PRKAB1: variants seen among roughly 807,000 people sequenced by gnomAD.
The protein encoded by PRKAB1 is protein kinase AMP-activated non-catalytic subunit beta 1.
A neutral mutation model predicts 32.0 loss-of-function variants in PRKAB1; 18 were observed. That is an observed-to-expected ratio of 0.56 (90% CI 0.39 to 0.83). The LOEUF (loss-of-function observed/expected upper bound fraction) is 0.83, where lower values mean the gene tolerates loss of function less well. Among genes scored for constraint, PRKAB1 ranks in the 40% least tolerant of loss-of-function variants. PRKAB1 has a pLI of 0.00. For missense variants in PRKAB1, 263 were observed against 352.6 expected, an observed-to-expected ratio of 0.75 and a Z score of 2.03; for synonymous variants, 141 against 141.4, an observed-to-expected ratio of 1.00 and a Z score of 0.02.
chr12:119,676,707 G>A (rs371290690), intron 5 of PRKAB1, 37 bp downstream of exon 5: 159 of 1,605,246 alleles, frequency 9.9e-5, no homozygotes, highest in Non-Finnish European at 1.3e-4. Flanking sequence ...CATCCGCCGT[G>A]GGTCATGTTC....
intron 1 of PRKAB1, among the ~76,000 whole-genome samples, chr12:119,670,894 C>T (rs970139876): frequency 2.6e-5 from 4 of 152,140 alleles, no homozygotes; most frequent in Non-Finnish European, 5.9e-5. Context: ...AAGCTGAGGT[C>T]GGTATTTGAG....
chr12:119,668,217 C>T lies in PRKAB1; in HGVS notation c.-28C>T. On this transcript the variant is annotated 5_prime_UTR_variant, in exon 1 of 7. Coordinates refer to ENST00000229328, the MANE Select transcript of PRKAB1 (RefSeq NM_006253.5). ...TTTCCTGCAGTGAGGCGCCGTCCGC[C>T]TTCCCTGTGTCCCCGCAGACCCCCA... The T allele has an allele frequency of 6.5e-7, 1 of 1,547,556 alleles. No homozygotes were observed. The highest frequency in any genetic ancestry group is 2.4e-5 in the East Asian group (1 of 41,564).
rs552424369 is a variant in PRKAB1, at chr12:119,674,559, G to T, written c.532+105G>T. On this transcript the variant is annotated intron_variant, in intron 4 of 6. Transcript: ENST00000229328. This position sits in a 1 kb window ranked among gnomAD's most constrained non-coding sequence, Gnocchi z 4.3. The stretch of plus-strand genomic sequence containing the variant: ...CTCTTGAGCTGAAGCTGCCCAGTCA[G>T]ATAGGCATTTATAGCCCCCACTTAA... 8.7e-5 allele frequency: 69 copies of T among 792,176 alleles called. 1 individual carries two copies. In the East Asian group the frequency reaches 1.9e-3, roughly 21 times the overall value. The allele number at this position is 792,176 out of a possible 1,614,324, so 49.1% of individuals were successfully genotyped here.
At chr12:119,675,350 A>G (rs114899159) in intron 4 of PRKAB1, among the ~76,000 whole-genome samples, 1,571 of 152,342 alleles carry the variant, frequency 0.01, 27 homozygotes, top group African/African-American at 0.035. Flanking sequence ...AATGATCACA[A>G]TGGGCTCACT....
At chr12:119,675,696 G>A (rs1955419486) in intron 4 of PRKAB1, among the ~76,000 whole-genome samples, 1 of 152,164 alleles carries the variant, frequency 6.6e-6, no homozygotes, top group Non-Finnish European at 1.5e-5. Context: ...TGCACTTCAT[G>A]CTTTTCTCAG....
chr12:119,671,701 G>A (rs751540796), intron 1 of PRKAB1: 2 of 217,948 alleles, frequency 9.2e-6, no homozygotes, highest in South Asian at 9.9e-5. Flanking sequence ...GAGCCAAACC[G>A]TATCACCTAG....
rs1955407068 is a variant in PRKAB1, at chr12:119,674,200, A to G, written c.418-140A>G. The G allele has an allele frequency of 9.9e-7, 1 of 1,014,864 alleles. No individual in the cohort carries two copies. The highest frequency in any genetic ancestry group is 1.5e-5 in the South Asian group (1 of 66,336). 62.9% of individuals were successfully genotyped at this position (1,014,864 alleles called of 1,614,324 possible). A position where few individuals can be genotyped will look rare whatever the true frequency, so the allele number is the denominator to read the frequency against. On this transcript the variant is annotated intron_variant, in intron 3 of 6. Transcript: ENST00000229328. This position sits in a 1 kb window ranked among gnomAD's most constrained non-coding sequence, Gnocchi z 4.3. ...GAGCTGAGTAGCAGCACTACCTGTC[A>G]GACAGTTGGCATACTTGACCAAGAT...
At chr12:119,670,322 C>A (rs1443961414) in intron 1 of PRKAB1, among the ~76,000 whole-genome samples, 1 of 152,212 alleles carries the variant, frequency 6.6e-6, no homozygotes, top group African/African-American at 2.4e-5. Context: ...AATTGCTTGG[C>A]AGCTCATTCC....
intron 6 of PRKAB1, 67 bp downstream of exon 6, chr12:119,680,068 G>A: frequency 1.3e-6 from 2 of 1,553,390 alleles, no homozygotes; most frequent in Non-Finnish European, 1.8e-6. Context: ...CCCCAGCAGT[G>A]GAATGACCTG....
intron 5 of PRKAB1, 43 bp downstream of exon 5, chr12:119,676,713 T>C: frequency 6.3e-7 from 1 of 1,596,006 alleles, no homozygotes; most frequent in Non-Finnish European, 8.6e-7. Context: ...CCGTGGGTCA[T>C]GTTCAGTTGC....
Position 119,672,467 on chromosome 12 carries a change from A to AATT in PRKAB1, c.323+4_323+6dup, listed in dbSNP as rs751691233. The AATT allele has an allele frequency of 6.3e-7, 1 of 1,578,772 alleles. No homozygotes were observed. The highest frequency in any genetic ancestry group is 1.2e-5 in the South Asian group (1 of 86,348). On this transcript the variant is annotated splice_donor_region_variant and intron_variant, in intron 2 of 6. Transcript: ENST00000229328. ...AGTAAACTTCCCCTCACCAGAAGGT[A>AATT]ATTGCCTGGGGAGTGTTCACATATT...
At chr12:119,676,888 C>T (rs1593332245) in intron 5 of PRKAB1, among the ~76,000 whole-genome samples, 2 of 152,392 alleles carry the variant, frequency 1.3e-5, no homozygotes, top group East Asian at 3.9e-4. Flanking sequence ...CTGCACTACT[C>T]TTCCTTGTCC....
rs2136854853 is a variant in PRKAB1 at position 119,674,097 on chromosome 12, C to A, written c.417+40C>A. ...ACCTCTGGTCCTCTGGGTGCCCGCA[C>A]ATTCCAAACAAATCACCTTCCCAAG... is the stretch of plus-strand genomic sequence containing the variant. On this transcript the variant is annotated intron_variant, in intron 3 of 6. Transcript: ENST00000229328. This position sits in a 1 kb window ranked among gnomAD's most constrained non-coding sequence, Gnocchi z 4.3. 6.4e-7 allele frequency: 1 copy of A among 1,558,214 alleles called. No individual in the cohort carries two copies. The highest frequency in any genetic ancestry group is 2.2e-5 in the East Asian group (1 of 44,598).
At chr12:119,680,041 G>A in intron 6 of PRKAB1, 40 bp downstream of exon 6, 1 of 1,592,158 alleles carries the variant, frequency 6.3e-7, no homozygotes, top group Non-Finnish European at 8.6e-7. Context: ...GTGTTGCCCA[G>A]TGTGTGCTCT....
In PRKAB1 at chr12:119,672,480, G is replaced by A; in HGVS notation, c.323+16G>A. The A allele has an allele frequency of 6.5e-7, 1 of 1,536,612 alleles. No individual in the cohort carries two copies. The highest frequency in any genetic ancestry group is 8.8e-7 in the Non-Finnish European group (1 of 1,137,924). ...TCACCAGAAGGTAATTGCCTGGGGA[G>A]TGTTCACATATTTGTCTTAACATAA... On this transcript the variant is annotated intron_variant, in intron 2 of 6. Coordinates refer to ENST00000229328, the MANE Select transcript of PRKAB1 (RefSeq NM_006253.5).
intron 2 of PRKAB1, 102 bp downstream of exon 2, chr12:119,672,566 G>T: frequency 3.2e-6 from 4 of 1,262,730 alleles, no homozygotes; most frequent in Non-Finnish European, 4.2e-6. Flanking sequence ...CTATAAAATG[G>T]ATGCCTAGTG....
intron 4 of PRKAB1, among the ~76,000 whole-genome samples, chr12:119,675,446 G>A (rs1288602346): frequency 6.6e-6 from 1 of 152,152 alleles, no homozygotes; most frequent in Non-Finnish European, 1.5e-5. Context: ...ATATCATCTA[G>A]TTTTTTTGCA....
At position 119,674,384 on chromosome 12, in the gene PRKAB1, A is replaced by G. The variant is rs1955408075; in HGVS notation, c.462A>G (p.Gln154=). The change falls in exon 4 of 7, where the codon CAA becomes CAG. Residue 154 remains glutamine (Q), a synonymous_variant. Coordinates refer to ENST00000229328, the MANE Select transcript of PRKAB1 (RefSeq NM_006253.5). This position sits in a 1 kb window ranked among gnomAD's most constrained non-coding sequence, Gnocchi z 4.3. ...TTGGCACAGTTAACAACATCATTCA[A>G]GTGAAGAAAACTGACTTTGAAGTAT... ...SQLGTVNNII[Q]VKKTDFEVFD... The G allele has an allele frequency of 7.4e-6, 12 of 1,614,224 alleles. No individual in the cohort carries two copies. Among genetic ancestry groups the G allele is most frequent in the Non-Finnish European group, 1.0e-5 (12 of 1,180,018 alleles).
chr12:119,668,255 C>T lies in PRKAB1; in HGVS notation c.11C>T (p.Thr4Ile). The T allele has an allele frequency of 6.2e-7, 1 of 1,606,098 alleles. No homozygotes were observed. The highest frequency in any genetic ancestry group is 1.3e-5 in the African/African-American group (1 of 74,548). The change falls in exon 1 of 7, where the codon ACC becomes ATC. Residue 4 changes from threonine (T) to isoleucine (I), a missense_variant. Thr to Ile is a moderately conservative substitution (Grantham distance 89, BLOSUM62 -1). Transcript: ENST00000229328. MGNTSSERAALERH... is the reference protein window; with the variant it reads MGNISSERAALERH... ...CCGCAGACCCCCATCATGGGCAATA[C>T]CAGCAGTGAGCGCGCCGCGCTGGAG...
Sources: allele counts gnomAD v4.1 joint callset (sites outside exome capture counted in the v4.1 genomes callset), GRCh38; gene constraint gnomAD v4.1.1; non-coding constraint Gnocchi (gnomAD v3.1); transcripts MANE v1.5; gene names NCBI Gene and HGNC (gene_info 2026-07-23, HGNC 2026-07-21).